ODAD2: variants seen among roughly 807,000 people sequenced by gnomAD.
The protein encoded by ODAD2 is outer dynein arm-docking complex subunit 2.
Under a neutral mutation model 106.8 loss-of-function variants are expected in ODAD2, and 89 were observed. The observed-to-expected ratio is 0.83, with a 90% confidence interval of 0.70 to 0.99. ODAD2 has a LOEUF of 0.99. ODAD2 is among the 50% of genes least tolerant of loss of function. The probability of loss-of-function intolerance (pLI) is 0.00; values close to 1 mark genes in which losing one functional copy is unlikely to be tolerated. For synonymous variants in ODAD2, 404 were observed against 436.2 expected, an observed-to-expected ratio of 0.93 and a Z score of 0.92; for missense variants, 1,168 against 1,238.5, an observed-to-expected ratio of 0.94 and a Z score of 0.85.
At position 27,827,032 on chromosome 10, in the gene ODAD2, C is replaced by T. The variant is rs138356597; in HGVS notation, c.3022-14407G>A. On this transcript the variant is annotated intron_variant, in intron 19 of 19. Transcript: ENST00000305242. ...CGCTTTGCTATGCATCCAGGGGACACTTTTGGTTCTTGTCTTACATTACTT... is the reference window on the plus strand; with the variant it reads ...CGCTTTGCTATGCATCCAGGGGACATTTTTGGTTCTTGTCTTACATTACTT... Among the ~76,000 whole-genome samples, 1,166 of 152,248 alleles carry T rather than the reference C, an allele frequency of 7.7e-3. 47 individuals are homozygous for T. The highest frequency in any genetic ancestry group is 0.06 in the Admixed American group (918 of 15,288).
chr10:27,983,865 G>A lies in ODAD2; in HGVS notation c.797C>T (p.Ala266Val). The A allele has an allele frequency of 6.2e-7, 1 of 1,613,124 alleles. No individual in the cohort carries two copies. The highest frequency in any genetic ancestry group is 8.5e-7 in the Non-Finnish European group (1 of 1,179,764). The change falls in exon 6 of 20, where the codon GCA (alanine) becomes GTA (valine). Residue 266 changes from alanine (A) to valine (V), a missense_variant. Physicochemically the swap from Ala to Val is moderately conservative, Grantham distance 64. Around this residue, in one of 3 missense-constraint regions of ODAD2, gnomAD observed 430 missense variants for 452.2 expected, o/e 0.95. Coordinates refer to ENST00000305242, the MANE Select transcript of ODAD2 (RefSeq NM_018076.5). The part of the protein sequence containing the change: ...DGETLCITCS[A>V]GGVFLNGGKT... ...TACACCATTTAAAAATACTCCTCCTGCACTGCAAGTAATGCACAGAGTCTC... is the reference window on the plus strand; with the variant it reads ...TACACCATTTAAAAATACTCCTCCTACACTGCAAGTAATGCACAGAGTCTC...
intron 19 of ODAD2, among the ~76,000 whole-genome samples, chr10:27,837,638 T>A (rs138798150): frequency 6.6e-6 from 1 of 152,332 alleles, no homozygotes; most frequent in East Asian, 1.9e-4. Flanking sequence ...TCTAATTCCC[T>A]CTCTCTGCCA....
At chr10:27,938,604 C>CTT in intron 14 of ODAD2, among the ~76,000 whole-genome samples, 1 of 144,838 alleles carries the variant, frequency 6.9e-6, no homozygotes, top group Non-Finnish European at 1.5e-5. Flanking sequence ...CTTCTTTTTT[C>CTT]TTTTTTTTTT....
At chr10:27,835,483 C>T (rs1035648411) in intron 19 of ODAD2, among the ~76,000 whole-genome samples, 6 of 152,132 alleles carry the variant, frequency 3.9e-5, no homozygotes, top group African/African-American at 7.2e-5. Flanking sequence ...TCTCTCTGTA[C>T]AGTTGATGTC....
intron 19 of ODAD2, among the ~76,000 whole-genome samples, chr10:27,856,899 G>A (rs935349615): frequency 3.3e-5 from 5 of 152,046 alleles, no homozygotes; most frequent in African/African-American, 9.7e-5. Context: ...CCCAGGAGGC[G>A]GGGGTTGCAG....
intron 2 of ODAD2, among the ~76,000 whole-genome samples, chr10:27,987,822 G>A (rs1214993578): frequency 6.7e-6 from 1 of 149,652 alleles, no homozygotes; most frequent in Non-Finnish European, 1.5e-5. Context: ...AACTCAAATA[G>A]TCACAGTTTT....
At chr10:27,834,808 G>C (rs2133044308) in intron 19 of ODAD2, among the ~76,000 whole-genome samples, 1 of 152,274 alleles carries the variant, frequency 6.6e-6, no homozygotes, top group African/African-American at 2.4e-5. Context: ...AGATGTCCTT[G>C]TTTACCAACA....
chr10:27,935,728 A>G (rs894636072), intron 15 of ODAD2, among the ~76,000 whole-genome samples: 1 of 150,318 alleles, frequency 6.7e-6, no homozygotes, highest in Admixed American at 6.6e-5. Context: ...ACTCTCAGGT[A>G]TCTTCTATAT....
At chr10:27,915,662 G>C (rs1033429346) in intron 16 of ODAD2, among the ~76,000 whole-genome samples, 2 of 152,034 alleles carry the variant, frequency 1.3e-5, no homozygotes, top group African/African-American at 4.8e-5. Context: ...CAATAGAATG[G>C]CATTTATAAA....
chr10:27,872,973 A>G (rs1841027973), intron 17 of ODAD2, among the ~76,000 whole-genome samples: 1 of 152,278 alleles, frequency 6.6e-6, no homozygotes, highest in South Asian at 2.1e-4. Flanking sequence ...TCGGCTATGA[A>G]TCCCTCTGAT....
intron 8 of ODAD2, among the ~76,000 whole-genome samples, chr10:27,969,250 T>C (rs1295504323): frequency 1.3e-5 from 2 of 151,904 alleles, no homozygotes; most frequent in African/African-American, 4.9e-5. Context: ...TAGGAACAGG[T>C]CTTCACAGGC....
intron 2 of ODAD2, among the ~76,000 whole-genome samples, chr10:27,991,651 C>T (rs144842234): frequency 6.3e-4 from 96 of 152,186 alleles, no homozygotes; most frequent in African/African-American, 2.2e-3. Flanking sequence ...AGAATTTCAG[C>T]GTAGATAAAA....
At chr10:27,970,261 A>G (rs1358218145) in intron 8 of ODAD2, among the ~76,000 whole-genome samples, 1 of 152,142 alleles carries the variant, frequency 6.6e-6, no homozygotes, top group Non-Finnish European at 1.5e-5. Flanking sequence ...TATTTCATAC[A>G]TTCATCAAGC....
chr10:27,829,583 T>C (rs897403025), intron 19 of ODAD2, among the ~76,000 whole-genome samples: 3 of 152,208 alleles, frequency 2.0e-5, no homozygotes, highest in Non-Finnish European at 4.4e-5. Context: ...ACAGGACTTG[T>C]CTAAGACCTT....
intron 16 of ODAD2, among the ~76,000 whole-genome samples, chr10:27,932,660 C>T (rs1159547888): frequency 6.6e-6 from 1 of 152,144 alleles, no homozygotes; most frequent in Non-Finnish European, 1.5e-5. Flanking sequence ...ATGCAAGCTG[C>T]CTCCTTCTCA....
intron 9 of ODAD2, among the ~76,000 whole-genome samples, chr10:27,963,735 C>G (rs1190143765): frequency 6.6e-6 from 1 of 152,078 alleles, no homozygotes; most frequent in Non-Finnish European, 1.5e-5. Context: ...GGTATTGGCT[C>G]ACACTCCAAT....
intron 10 of ODAD2, chr10:27,958,856 C>T (rs959728583): frequency 2.5e-5 from 32 of 1,303,502 alleles, no homozygotes; most frequent in African/African-American, 6.1e-5. Context: ...ATTGAGTAAG[C>T]GGCAGAATTT....
In ODAD2 at chr10:27,872,784, C is replaced by T. The variant is rs113951457; in HGVS notation, c.2611-10162G>A. ...AGTATTTTATTGAAGATTTTTGCAA[C>T]GATGTTCATCAGGGATATTGGTCTA... is the stretch of plus-strand genomic sequence containing the variant. On this transcript the variant is annotated intron_variant, in intron 17 of 19. Transcript: ENST00000305242. Among the ~76,000 whole-genome samples, 8 of 152,238 alleles carry T rather than the reference C, an allele frequency of 5.3e-5. No individual in the cohort carries two copies. In the East Asian group the frequency reaches 5.8e-4, roughly 11 times the overall value.
chr10:27,996,027 T>C (rs191435477), intron 1 of ODAD2, among the ~76,000 whole-genome samples: 1 of 152,302 alleles, frequency 6.6e-6, no homozygotes, highest in East Asian at 1.9e-4. Flanking sequence ...ATTGGCTAAA[T>C]AGAAATTAGT....
Sources: gnomAD v4.1 joint callset for allele counts (sites outside exome capture counted in the v4.1 genomes callset) on GRCh38, gnomAD v4.1.1 for gene constraint, gnomAD v4.1.1 regional missense constraint, MANE v1.5 for transcripts, NCBI Gene and HGNC (gene_info 2026-07-23, HGNC 2026-07-21) for gene names.